The following XPC variants were observed in gnomAD, a reference collection of about 807,000 sequenced individuals.
XPC encodes XPC complex subunit, DNA damage recognition and repair factor.
Under a neutral mutation model 95.8 loss-of-function variants are expected in XPC, and 76 were observed. The ratio of observed to expected loss-of-function variants is 0.79; its 90% CI spans 0.66 to 0.96. XPC has a LOEUF of 0.96. Among genes scored for constraint, XPC ranks in the 40% least tolerant of loss-of-function variants. The pLI, the probability that XPC is intolerant of heterozygous loss-of-function variation, is 0.00. For missense variants in XPC, 1,146 were observed against 1,179.8 expected (o/e 0.97, Z 0.42); for synonymous variants, 442 against 442.1 (o/e 1.00, Z 0.00).
At chr3:14,150,454 G>A (rs548267523) in intron 11 of XPC, among the ~76,000 whole-genome samples, 4 of 152,272 alleles carry the variant, frequency 2.6e-5, no homozygotes, top group African/African-American at 7.2e-5. Flanking sequence ...ATCTCTGGGC[G>A]CACCCTCTCT....
At chr3:14,148,776 G>A (rs1363426208) in intron 12 of XPC, 38 bp downstream of exon 12, 2 of 1,613,490 alleles carry the variant, frequency 1.2e-6, no homozygotes, top group Non-Finnish European at 1.7e-6. Flanking sequence ...AGGGGAACAA[G>A]GCGGCCTGGT....
chr3:14,148,789 T>C, intron 12 of XPC, 25 bp downstream of exon 12: 2 of 1,613,838 alleles, frequency 1.2e-6, no homozygotes, highest in Non-Finnish European at 1.7e-6. Flanking sequence ...GGCCTGGTCC[T>C]GAGCCCTTCT....
chr3:14,159,646 A>T, intron 8 of XPC, 95 bp downstream of exon 8: 1 of 1,261,748 alleles, frequency 7.9e-7, no homozygotes, highest in Non-Finnish European at 1.1e-6. Context: ...CTCCGTGAAT[A>T]CCAGCTCTTA....
Position 14,151,962 on chromosome 3 carries a change from G to A in XPC, c.2115+373C>T, listed in dbSNP as rs939235429. 4.9e-5 allele frequency: 10 copies of A among 203,818 alleles called. No homozygotes were observed. In the Admixed American group the frequency reaches 5.6e-4, roughly 11 times the overall value. The allele number at this position is 203,818 out of a possible 1,614,324, so 12.6% of individuals were successfully genotyped here. A position where few individuals can be genotyped will look rare whatever the true frequency, so the allele number is the denominator to read the frequency against. On this transcript the variant is annotated intron_variant, in intron 11 of 15. Coordinates refer to ENST00000285021, the MANE Select transcript of XPC (RefSeq NM_004628.5). ...ATCACATACATGCAAAATGCTCAGT[G>A]AACTGCCAAACAGAAGGGCAATCTG...
In XPC at chr3:14,173,028, G is replaced by A; in HGVS notation, c.138C>T (p.Ser46=). The change falls in exon 2 of 16, where the codon AGC becomes AGT. Residue 46 remains serine, a synonymous_variant. Transcript: ENST00000285021. The stretch of plus-strand genomic sequence containing the variant: ...TTCCTTGTGAAACTTTGGAGAGAAG[G>A]CTCTTCTTTGGGGGTTTCTCATCTT... ...AFEDEKPPKK[S]LLSKVSQGKR... is the part of the protein sequence containing the mutation. 6.2e-7 allele frequency: 1 copy of A among 1,603,944 alleles called. No homozygotes were observed. The highest frequency in any genetic ancestry group is 1.1e-5 in the South Asian group (1 of 89,476).
intron 11 of XPC, among the ~76,000 whole-genome samples, chr3:14,150,499 T>C (rs1054808598): frequency 3.3e-5 from 5 of 152,230 alleles, no homozygotes; most frequent in Admixed American, 1.3e-4. Flanking sequence ...CTCTGAGTTC[T>C]GACAACCGTC....
At chr3:14,173,511 T>C (rs2125046759) in intron 1 of XPC, among the ~76,000 whole-genome samples, 1 of 152,356 alleles carries the variant, frequency 6.6e-6, no homozygotes, top group South Asian at 2.1e-4. Flanking sequence ...AATCTACATT[T>C]CTGCCAACCT....
intron 8 of XPC, among the ~76,000 whole-genome samples, chr3:14,159,501 C>T (rs1385334062): frequency 1.3e-5 from 2 of 152,058 alleles, no homozygotes; most frequent in African/African-American, 2.4e-5. Context: ...ATTTACAGAA[C>T]AGAACAAAAG....
chr3:14,150,449 T>TG (rs1170838696), intron 11 of XPC, among the ~76,000 whole-genome samples: 1 of 152,234 alleles, frequency 6.6e-6, no homozygotes, highest in Non-Finnish European at 1.5e-5. Context: ...CCATGATCTC[T>TG]GGGCGCACCC....
chr3:14,160,994 G>C (rs1231845450), intron 7 of XPC, among the ~76,000 whole-genome samples: 2 of 152,182 alleles, frequency 1.3e-5, no homozygotes, highest in Non-Finnish European at 2.9e-5. Flanking sequence ...AGCATACACA[G>C]TCACCACCTT....
rs546234544 is a variant in XPC, at chr3:14,171,437, G to A, written c.300-887C>T. On this transcript the variant is annotated intron_variant, in intron 2 of 15. Coordinates refer to ENST00000285021, the MANE Select transcript of XPC (RefSeq NM_004628.5). ...CAGGGGAGAGGGAAAGGGGGACCCAGAGCTTTCCTTGGCAGTATCGTGGCC... is the reference window on the plus strand; with the variant it reads ...CAGGGGAGAGGGAAAGGGGGACCCAAAGCTTTCCTTGGCAGTATCGTGGCC... 3.3e-5 allele frequency among the ~76,000 whole-genome samples: 5 copies of A among 152,320 alleles called. No homozygotes were observed. In the East Asian group the frequency reaches 9.6e-4, roughly 29 times the overall value.
intron 10 of XPC, chr3:14,152,798 T>C (rs536088787): frequency 1.2e-4 from 22 of 184,856 alleles, no homozygotes; most frequent in African/African-American, 4.3e-4. Flanking sequence ...AGCGAACACC[T>C]GCTGAGGCTC....
At chr3:14,149,298 T>C (rs972520773) in intron 11 of XPC, among the ~76,000 whole-genome samples, 1 of 152,180 alleles carries the variant, frequency 6.6e-6, no homozygotes, top group Non-Finnish European at 1.5e-5. Context: ...TTGGCCAGGC[T>C]GGTCTCGAAC....
Position 14,145,789 on chromosome 3 carries a change from T to TCTCCCCTGACCCCGC in XPC, c.*137_*151dup. On this transcript the variant is annotated 3_prime_UTR_variant, in exon 16 of 16. Transcript: ENST00000285021. ...GCAGCACCTCCTCAGCTTGGCCTCG[T>TCTCCCCTGACCCCGC]CTCCCCTGACCCCGCCTCCGTGCAT... 1 of 958,096 alleles carries TCTCCCCTGACCCCGC rather than the reference T, an allele frequency of 1.0e-6. No individual in the cohort carries two copies. Among genetic ancestry groups the TCTCCCCTGACCCCGC allele is most frequent in the Non-Finnish European group, 1.6e-6 (1 of 618,980 alleles). 59.3% of individuals were successfully genotyped at this position (958,096 alleles called of 1,614,324 possible). A position where few individuals can be genotyped will look rare whatever the true frequency, so the allele number is the denominator to read the frequency against.
Position 14,147,481 on chromosome 3 carries a change from C to T in XPC, c.2515-102G>A, listed in dbSNP as rs981266754. ...AATGTAAAGACAGATATATACACCA[C>T]TTTAGAATATAGCCTCTCCTTCACA... is the stretch of plus-strand genomic sequence containing the variant. On this transcript the variant is annotated intron_variant, in intron 14 of 15. Coordinates refer to ENST00000285021, the MANE Select transcript of XPC (RefSeq NM_004628.5). 3.6e-6 allele frequency: 4 copies of T among 1,117,036 alleles called. No homozygotes were observed. The Admixed American group carries it at 7.0e-5, about 20-fold the overall frequency. The allele number at this position is 1,117,036 out of a possible 1,614,324, so 69.2% of individuals were successfully genotyped here. A position where few individuals can be genotyped will look rare whatever the true frequency, so the allele number is the denominator to read the frequency against.
chr3:14,167,032 A>G, intron 5 of XPC, 137 bp downstream of exon 5: 2 of 644,474 alleles, frequency 3.1e-6, no homozygotes, highest in Non-Finnish European at 4.9e-6. Context: ...CACCTCCCAG[A>G]TGAGGATGCA....
Position 14,146,149 on chromosome 3 carries a change from G to A in XPC, c.2615C>T (p.Ala872Val). ...KRRYGPKSEA[A>V]APHTDAGGGL... ...ACCTCCTGCATCTGTGTGGGGAGCT[G>A]CTGCCTCACTCTGGACAGGTGGCAG... is the stretch of plus-strand genomic sequence containing the variant. Residue 872 changes from alanine (A) to valine (V), a missense_variant, in exon 16 of 16, where the codon GCA becomes GTA. Transcript: ENST00000285021. The A allele has an allele frequency of 1.9e-6, 3 of 1,608,010 alleles. No homozygotes were observed. Among genetic ancestry groups the A allele is most frequent in the Non-Finnish European group, 2.5e-6 (3 of 1,178,152 alleles).
intron 7 of XPC, among the ~76,000 whole-genome samples, chr3:14,162,529 A>G (rs1043950845): frequency 1.3e-5 from 2 of 152,248 alleles, no homozygotes; most frequent in Non-Finnish European, 2.9e-5. Flanking sequence ...TCCAAGCCCC[A>G]TTGAAAAAAT....
chr3:14,175,539 T>C (rs1020824691), intron 1 of XPC, among the ~76,000 whole-genome samples: 2 of 152,170 alleles, frequency 1.3e-5, no homozygotes, highest in African/African-American at 2.4e-5. Flanking sequence ...AATATTATCC[T>C]AGTACCTGGA....
Sources: gnomAD v4.1 joint callset for allele counts (sites outside exome capture counted in the v4.1 genomes callset) on GRCh38, gnomAD v4.1.1 for gene constraint, MANE v1.5 for transcripts, NCBI Gene and HGNC (gene_info 2026-07-23, HGNC 2026-07-21) for gene names.